The following XIRP2 variants were observed in gnomAD, a reference collection of about 807,000 sequenced individuals.
XIRP2 encodes the protein xin actin-binding repeat-containing protein 2.
A neutral mutation model predicts 277.0 loss-of-function variants in XIRP2; 236 were observed. The observed-to-expected ratio is 0.85, with a 90% confidence interval of 0.77 to 0.95. The LOEUF (loss-of-function observed/expected upper bound fraction) is 0.95. Ranked by LOEUF, XIRP2 falls within the 40% of genes least tolerant of loss-of-function variation. The pLI is 0.00. For missense variants in XIRP2, 4,640 were observed against 4,157.5 expected (o/e 1.12, Z -3.19); for synonymous variants, 1,490 against 1,416.5 (o/e 1.05, Z -1.17).
At chr2:167,039,691 T>C (rs1688610958) in intron 2 of XIRP2, among the ~76,000 whole-genome samples, 2 of 152,208 alleles carry the variant, frequency 1.3e-5, no homozygotes, top group African/African-American at 2.4e-5. Flanking sequence ...TTGGCAGGTC[T>C]TATACAATGT....
At chr2:166,940,209 CT>C (rs1215732122) in intron 2 of XIRP2, among the ~76,000 whole-genome samples, 2 of 152,222 alleles carry the variant, frequency 1.3e-5, no homozygotes, top group Non-Finnish European at 2.9e-5. Context: ...TCTTCAATCA[CT>C]GATACCCTTT....
chr2:167,175,127 G>A (rs1692801709), intron 3 of XIRP2, among the ~76,000 whole-genome samples: 1 of 152,122 alleles, frequency 6.6e-6, no homozygotes, highest in South Asian at 2.1e-4. Context: ...TTCAAGTCCT[G>A]AATATCCTTG....
At chr2:166,950,834 A>G (rs2105395217) in intron 2 of XIRP2, among the ~76,000 whole-genome samples, 1 of 152,192 alleles carries the variant, frequency 6.6e-6, no homozygotes, top group South Asian at 2.1e-4. Context: ...GATTATTCAA[A>G]TAGATAGACA....
At chr2:167,003,751 A>G (rs932428533) in intron 2 of XIRP2, among the ~76,000 whole-genome samples, 1 of 151,934 alleles carries the variant, frequency 6.6e-6, no homozygotes, top group Admixed American at 6.6e-5. Flanking sequence ...TTCAGGTGGT[A>G]AATGACATAA....
intron 3 of XIRP2, among the ~76,000 whole-genome samples, chr2:167,153,085 G>C (rs1429195745): frequency 6.6e-6 from 1 of 152,062 alleles, no homozygotes; most frequent in Non-Finnish European, 1.5e-5. Flanking sequence ...GCCCTCTGTG[G>C]AGTGTATCTC....
intron 5 of XIRP2, among the ~76,000 whole-genome samples, chr2:167,224,390 C>G (rs6432988): frequency 0.15 from 22,282 of 151,890 alleles, 1,959 homozygotes; most frequent in African/African-American, 0.25. Context: ...TATGCCACCA[C>G]GCCCAGCTAA....
chr2:167,086,955 T>A, intron 2 of XIRP2, among the ~76,000 whole-genome samples: 1 of 152,188 alleles, frequency 6.6e-6, no homozygotes, highest in East Asian at 1.9e-4. Flanking sequence ...CCAAAGTCAT[T>A]CTCCATCCAG....
At chr2:167,080,616 G>C (rs1689704022) in intron 2 of XIRP2, among the ~76,000 whole-genome samples, 1 of 152,152 alleles carries the variant, frequency 6.6e-6, no homozygotes, top group Non-Finnish European at 1.5e-5. Context: ...AAACATCTCA[G>C]TCTCATTTGA....
intron 5 of XIRP2, among the ~76,000 whole-genome samples, chr2:167,239,341 A>G (rs1694988008): frequency 6.6e-6 from 1 of 152,252 alleles, no homozygotes; most frequent in Admixed American, 6.5e-5. Context: ...ATTAAATTAC[A>G]TGGCAAAGGA....
At chr2:167,212,610 T>G (rs1278110958) in intron 4 of XIRP2, among the ~76,000 whole-genome samples, 3 of 152,302 alleles carry the variant, frequency 2.0e-5, no homozygotes, top group Middle Eastern at 6.8e-3. Flanking sequence ...CAAGAGAAAG[T>G]TACTTATAGA....
At chr2:167,056,575 A>G (rs892871595) in intron 2 of XIRP2, among the ~76,000 whole-genome samples, 6 of 151,966 alleles carry the variant, frequency 3.9e-5, no homozygotes, top group Admixed American at 3.3e-4. Context: ...CTCAGTCTCC[A>G]CTCCTAATTA....
chr2:167,258,725 A>G lies in XIRP2; in HGVS notation c.*908A>G, dbSNP rs1695742679. The G allele has an allele frequency of 6.2e-7, 1 of 1,613,350 alleles. No homozygotes were observed. Among genetic ancestry groups the G allele is most frequent in the South Asian group, 1.1e-5 (1 of 91,062 alleles). On this transcript the variant is annotated 3_prime_UTR_variant, in exon 11 of 11. Transcript: ENST00000409195. ...GAATAATTGCAGGCAGAAGACATCTATTTTAGAATTTCTTGATCTATTACC... is the reference window on the plus strand; with the variant it reads ...GAATAATTGCAGGCAGAAGACATCTGTTTTAGAATTTCTTGATCTATTACC...
Position 167,217,832 on chromosome 2 carries a change from C to A in XIRP2, c.724-334C>A, listed in dbSNP as rs73972206. Among the ~76,000 whole-genome samples, 202 of 152,116 alleles carry A rather than the reference C, an allele frequency of 1.3e-3. 2 individuals carry two copies. The highest frequency in any genetic ancestry group is 4.6e-3 in the African/African-American group (191 of 41,486). ...GAGGGTTAAAATTGAGTCCATTATT[C>A]TTATACCCACTAGTCTGTATATTAC... On this transcript the variant is annotated intron_variant, in intron 4 of 10. Coordinates refer to ENST00000409195, the MANE Select transcript of XIRP2 (RefSeq NM_152381.6).
chr2:167,150,937 C>A (rs771210928), intron 3 of XIRP2, among the ~76,000 whole-genome samples: 2 of 151,880 alleles, frequency 1.3e-5, no homozygotes, highest in Admixed American at 6.6e-5. Context: ...ATCTCAATTT[C>A]TTTTTAATTT....
intron 2 of XIRP2, among the ~76,000 whole-genome samples, chr2:166,923,144 G>A (rs1229300821): frequency 1.3e-5 from 2 of 152,028 alleles, no homozygotes; most frequent in Non-Finnish European, 2.9e-5. Flanking sequence ...CTTAGGAGTG[G>A]TAGCTAAAGT....
chr2:166,913,544 T>C (rs749007726), intron 2 of XIRP2, among the ~76,000 whole-genome samples: 1 of 152,152 alleles, frequency 6.6e-6, no homozygotes, highest in Non-Finnish European at 1.5e-5. Context: ...CCCCAGGTCA[T>C]AGAAGTTTTA....
At chr2:167,234,983 GT>G (rs1462737518) in intron 5 of XIRP2, among the ~76,000 whole-genome samples, 1 of 151,810 alleles carries the variant, frequency 6.6e-6, no homozygotes, top group Non-Finnish European at 1.5e-5. Flanking sequence ...AAACGAGTTT[GT>G]TTAGCATCAT....
intron 1 of XIRP2, among the ~76,000 whole-genome samples, chr2:166,898,204 G>C (rs933880564): frequency 6.6e-6 from 1 of 152,122 alleles, no homozygotes; most frequent in Non-Finnish European, 1.5e-5. Flanking sequence ...TGTTTGCTGA[G>C]AAAGCTAAAC....
intron 5 of XIRP2, among the ~76,000 whole-genome samples, chr2:167,234,482 C>T (rs1694845881): frequency 6.6e-6 from 1 of 151,004 alleles, no homozygotes; most frequent in Non-Finnish European, 1.5e-5. Context: ...AGCCCAATGC[C>T]GTTGAGATAA....
Sources: allele counts gnomAD v4.1 joint callset (sites outside exome capture counted in the v4.1 genomes callset), GRCh38; gene constraint gnomAD v4.1.1; transcripts MANE v1.5; gene names NCBI Gene and HGNC (gene_info 2026-07-23, HGNC 2026-07-21).